The following RALYL variants were observed in gnomAD, a reference collection of about 807,000 sequenced individuals.
RALYL encodes RALY RNA binding protein like, also known as RNA-binding Raly-like protein.
In RALYL, 29 loss-of-function variants were observed where a neutral mutation model predicts 35.1. The ratio of observed to expected loss-of-function variants is 0.83; its 90% CI spans 0.61 to 1.13. The LOEUF (loss-of-function observed/expected upper bound fraction) is 1.13, where lower values mean the gene tolerates loss of function less well. RALYL is among the 50% of genes most tolerant of loss of function. The pLI, the probability that RALYL is intolerant of heterozygous loss-of-function variation, is 0.00. For missense variants in RALYL, 359 were observed against 360.4 expected (o/e 1.00, Z 0.03); for synonymous variants, 120 against 127.6 (o/e 0.94, Z 0.40).
At chr8:84,190,692 A>G (rs954199542) in intron 1 of RALYL, among the ~76,000 whole-genome samples, 4 of 152,214 alleles carry the variant, frequency 2.6e-5, no homozygotes, top group East Asian at 1.9e-4. Context: ...TCAATTTTGA[A>G]CATAGTAATT....
chr8:84,808,309 C>CTGTT, intron 4 of RALYL, among the ~76,000 whole-genome samples: 1 of 152,162 alleles, frequency 6.6e-6, no homozygotes, highest in African/African-American at 2.4e-5. Flanking sequence ...GATCATTTGG[C>CTGTT]TGTTAAGTAT....
intron 2 of RALYL, among the ~76,000 whole-genome samples, chr8:84,550,627 A>G (rs1011284450): frequency 6.6e-6 from 1 of 151,474 alleles, no homozygotes; most frequent in Non-Finnish European, 1.5e-5. Flanking sequence ...ATTTTATTTT[A>G]TAAGAGCAAA....
At chr8:84,284,224 G>C (rs1837175407) in intron 1 of RALYL, among the ~76,000 whole-genome samples, 1 of 151,486 alleles carries the variant, frequency 6.6e-6, no homozygotes, top group African/African-American at 2.4e-5. Context: ...CCTTACCCCA[G>C]ATTACAAGGT....
At chr8:84,703,811 G>A (rs1015010372) in intron 2 of RALYL, among the ~76,000 whole-genome samples, 1 of 151,936 alleles carries the variant, frequency 6.6e-6, no homozygotes, top group African/African-American at 2.4e-5. Context: ...TTATGGCATT[G>A]GTGTCTAAGA....
intron 2 of RALYL, among the ~76,000 whole-genome samples, chr8:84,611,387 G>A (rs1172065119): frequency 1.3e-5 from 2 of 151,918 alleles, no homozygotes; most frequent in East Asian, 3.9e-4. Context: ...ATTTTCTCTA[G>A]GACTGAGGCA....
rs186428259 is a variant in RALYL at position 84,360,532 on chromosome 8, C to G, written c.-23-168767C>G. Among the ~76,000 whole-genome samples, 763 of 152,154 alleles carry G rather than the reference C, an allele frequency of 5.0e-3. 6 individuals are homozygous for G. Among genetic ancestry groups the G allele is most frequent in the African/African-American group, 0.018 (732 of 41,516 alleles). ...GAATATCGAAGATTAATGAATAAGG[C>G]AATTAAGTAAGCATTCCTTCTTAAT... On this transcript the variant is annotated intron_variant, in intron 1 of 8. Coordinates refer to ENST00000521268, the MANE Select transcript of RALYL (RefSeq NM_173848.7).
chr8:84,438,793 C>G (rs2048014959), intron 1 of RALYL, among the ~76,000 whole-genome samples: 1 of 152,140 alleles, frequency 6.6e-6, no homozygotes, highest in African/African-American at 2.4e-5. Context: ...TCTCATTCTT[C>G]TGCATATAGC....
At chr8:84,266,884 C>T (rs966386390) in intron 1 of RALYL, among the ~76,000 whole-genome samples, 21 of 145,784 alleles carry the variant, frequency 1.4e-4, no homozygotes, top group Non-Finnish European at 2.7e-4. Flanking sequence ...GGCGTGAACC[C>T]GGGAGGCGGA....
At chr8:84,841,633 A>T (rs1205954278) in intron 4 of RALYL, among the ~76,000 whole-genome samples, 1 of 152,224 alleles carries the variant, frequency 6.6e-6, no homozygotes, top group Non-Finnish European at 1.5e-5. Context: ...AGACATCTAC[A>T]GAACTGTCTA....
intron 1 of RALYL, among the ~76,000 whole-genome samples, chr8:84,387,265 A>C (rs1342519870): frequency 6.6e-6 from 1 of 151,810 alleles, no homozygotes; most frequent in Non-Finnish European, 1.5e-5. Context: ...ATCCGTATGT[A>C]ATGATTACTG....
intron 1 of RALYL, among the ~76,000 whole-genome samples, chr8:84,287,811 AT>A (rs1837957232): frequency 6.6e-6 from 1 of 152,138 alleles, no homozygotes; most frequent in South Asian, 2.1e-4. Context: ...AAATGGGGTC[AT>A]TTGGGGGATG....
At chr8:84,786,925 T>TA (rs1337267194) in intron 3 of RALYL, among the ~76,000 whole-genome samples, 2 of 152,176 alleles carry the variant, frequency 1.3e-5, no homozygotes, top group Non-Finnish European at 2.9e-5. Context: ...ACTTAACAAA[T>TA]AAAATATATG....
At chr8:84,718,919 T>C (rs748083651) in intron 2 of RALYL, among the ~76,000 whole-genome samples, 1 of 152,130 alleles carries the variant, frequency 6.6e-6, no homozygotes, top group Non-Finnish European at 1.5e-5. Flanking sequence ...TACTGAAAAT[T>C]CTTTCTGTTC....
At chr8:84,590,209 C>T (rs533179887) in intron 2 of RALYL, among the ~76,000 whole-genome samples, 42 of 152,270 alleles carry the variant, frequency 2.8e-4, no homozygotes, top group Non-Finnish European at 4.6e-4. Context: ...GGTTCCACCC[C>T]GCCCATGCCA....
At chr8:84,513,234 G>A (rs2057769053) in intron 1 of RALYL, among the ~76,000 whole-genome samples, 1 of 151,928 alleles carries the variant, frequency 6.6e-6, no homozygotes, top group Non-Finnish European at 1.5e-5. Flanking sequence ...TCTTTTACCT[G>A]CTTGGTTAAA....
chr8:84,528,361 GGGAA>G (rs962154934), intron 1 of RALYL, among the ~76,000 whole-genome samples: 4 of 151,896 alleles, frequency 2.6e-5, no homozygotes, highest in African/African-American at 4.8e-5. Flanking sequence ...AAGGAAAGAA[GGGAA>G]GGAAGGAAGG....
At chr8:84,883,242 A>G (rs546150530) in intron 7 of RALYL, among the ~76,000 whole-genome samples, 6 of 152,166 alleles carry the variant, frequency 3.9e-5, no homozygotes, top group South Asian at 2.1e-4. Context: ...AATGAACTGT[A>G]TTAATATACC....
chr8:84,586,268 G>A (rs746348672), intron 2 of RALYL, among the ~76,000 whole-genome samples: 19 of 151,828 alleles, frequency 1.3e-4, no homozygotes, highest in Non-Finnish European at 2.2e-4. Flanking sequence ...CACTGTCCTT[G>A]TTAAACACTA....
chr8:84,516,367 C>T (rs1266043162), intron 1 of RALYL, among the ~76,000 whole-genome samples: 1 of 135,188 alleles, frequency 7.4e-6, no homozygotes, highest in Admixed American at 7.4e-5. Context: ...TATAATATTT[C>T]CTTAATTAAA....
Sources: gnomAD v4.1 joint callset for allele counts (sites outside exome capture counted in the v4.1 genomes callset) on GRCh38, gnomAD v4.1.1 for gene constraint, MANE v1.5 for transcripts, NCBI Gene and HGNC (gene_info 2026-07-23, HGNC 2026-07-21) for gene names.